Variants in ARAP2 observed in about 807,000 individuals in gnomAD.
The protein encoded by ARAP2 is ArfGAP with RhoGAP domain, ankyrin repeat and PH domain 2.
ARAP2 carries 148 observed loss-of-function variants against 194.5 expected under a neutral mutation model. That is an observed-to-expected ratio of 0.76 (90% CI 0.67 to 0.87). The LOEUF (loss-of-function observed/expected upper bound fraction) is 0.87. Ranked by LOEUF, ARAP2 falls within the 40% of genes least tolerant of loss-of-function variation. The pLI is 0.00. For synonymous variants in ARAP2, 695 were observed against 683.5 expected (o/e 1.02, Z -0.26); for missense variants, 2,128 against 1,989.7 (o/e 1.07, Z -1.32).
intron 15 of ARAP2, among the ~76,000 whole-genome samples, chr4:36,156,445 G>A (rs71624436): frequency 1.3e-3 from 15 of 11,442 alleles, no homozygotes; most frequent in African/African-American, 5.0e-3. Context: ...GAAAGAAAGA[G>A]AAAGAAAGAA....
rs369339266 is a variant in ARAP2 at position 36,147,345 on chromosome 4, C to T, written c.3214G>A (p.Val1072Ile). The change falls in exon 19 of 33, where the codon GTT becomes ATT. Residue 1072 changes from valine (V) to isoleucine (I), a missense_variant. Val to Ile is a conservative substitution (Grantham distance 29). Transcript: ENST00000303965. ...ACATCCAGTTTTTCCCCATTTTGAA[C>T]CATTGTGCTGATTGCTGAAGGGAGA... ...RLQELTISTMVQNGEKLDVLL... is the reference protein window; with the variant it reads ...RLQELTISTMIQNGEKLDVLL... 6.2e-7 allele frequency: 1 copy of T among 1,612,836 alleles called. No homozygotes were observed. The highest frequency in any genetic ancestry group is 1.3e-5 in the African/African-American group (1 of 74,836).
rs187249404 is a variant in ARAP2, at chr4:36,123,293, G to A, written c.3746+1569C>T. Among the ~76,000 whole-genome samples, 11 of 151,834 alleles carry A rather than the reference G, an allele frequency of 7.2e-5. No individual in the cohort carries two copies. The East Asian group carries it at 2.1e-3, about 30-fold the overall frequency. On this transcript the variant is annotated intron_variant, in intron 22 of 32. Transcript: ENST00000303965. The stretch of plus-strand genomic sequence containing the variant: ...CGAATGGAATTAAGAGGATATTACT[G>A]ATGGAGGAAATACTCTTTTAGCTAG...
At chr4:36,213,627 T>C (rs73128485) in intron 3 of ARAP2, among the ~76,000 whole-genome samples, 1,790 of 152,130 alleles carry the variant, frequency 0.012, 35 homozygotes, top group African/African-American at 0.041. Flanking sequence ...ATTGCCCACA[T>C]ACAAAATAAA....
chr4:36,154,886 A>AT (rs1319281173), intron 15 of ARAP2, among the ~76,000 whole-genome samples: 5 of 152,120 alleles, frequency 3.3e-5, no homozygotes, highest in South Asian at 2.1e-4. Flanking sequence ...CAAATAATTC[A>AT]TTTTTTTCCA....
At chr4:36,137,688 C>T (rs1332581736) in intron 19 of ARAP2, among the ~76,000 whole-genome samples, 5 of 151,526 alleles carry the variant, frequency 3.3e-5, no homozygotes, top group East Asian at 1.9e-4. Flanking sequence ...CCAGAAACAA[C>T]GTGTTTAAGG....
chr4:36,123,933 G>A (rs999334078), intron 22 of ARAP2, among the ~76,000 whole-genome samples: 18 of 151,684 alleles, frequency 1.2e-4, no homozygotes, highest in African/African-American at 4.1e-4. Context: ...AACACACAAT[G>A]AATCATTCAA....
intron 25 of ARAP2, among the ~76,000 whole-genome samples, chr4:36,115,955 T>C (rs1330221233): frequency 1.3e-5 from 2 of 151,984 alleles, no homozygotes; most frequent in Non-Finnish European, 2.9e-5. Context: ...AAAATTAAAA[T>C]GCGCTATTAA....
intron 27 of ARAP2, among the ~76,000 whole-genome samples, chr4:36,101,622 T>A (rs1220336794): frequency 6.6e-6 from 1 of 151,954 alleles, no homozygotes; most frequent in African/African-American, 2.4e-5. Flanking sequence ...TGTTTTCTGA[T>A]CACTGAAATC....
intron 3 of ARAP2, 137 bp downstream of exon 3, chr4:36,214,285 T>A: frequency 2.0e-6 from 1 of 509,122 alleles, no homozygotes; most frequent in East Asian, 3.5e-5. Flanking sequence ...GTGTCTGAAG[T>A]ACTATGAACA....
At chr4:36,035,135 A>C (rs1339909994) in intron 5 of ARAP2, among the ~76,000 whole-genome samples, 1 of 151,758 alleles carries the variant, frequency 6.6e-6, no homozygotes, top group African/African-American at 2.4e-5. Context: ...TTCTTTTTTT[A>C]ATAATAGTTT....
Position 36,228,744 on chromosome 4 carries a change from A to C in ARAP2, c.743T>G (p.Phe248Cys). ...GTCATTTACAATCATTTCTCCTTGAAACTTAAAGAATGGGGATGGTGGTGA... is the reference window on the plus strand; with the variant it reads ...GTCATTTACAATCATTTCTCCTTGACACTTAAAGAATGGGGATGGTGGTGA... ...EGSPPSPFFK[F>C]QGEMIVNDLY... The change falls in exon 2 of 33, where the codon TTT becomes TGT. Residue 248 changes from phenylalanine to cysteine, a missense_variant. Coordinates refer to ENST00000303965, the MANE Select transcript of ARAP2 (RefSeq NM_015230.4). The C allele has an allele frequency of 1.9e-6, 3 of 1,614,152 alleles. No homozygotes were observed. The highest frequency in any genetic ancestry group is 2.5e-6 in the Non-Finnish European group (3 of 1,180,024).
At chr4:36,009,518 G>A (rs986381777) in intron 9 of ARAP2, among the ~76,000 whole-genome samples, 17 of 151,980 alleles carry the variant, frequency 1.1e-4, no homozygotes, top group African/African-American at 3.9e-4. Context: ...AATACAAGAG[G>A]GGGGATAAAG....
intron 30 of ARAP2, among the ~76,000 whole-genome samples, 180 bp from the exon 31 acceptor site, chr4:36,080,459 T>C (rs1262214180): frequency 1.3e-5 from 2 of 152,170 alleles, no homozygotes; most frequent in African/African-American, 4.8e-5. Flanking sequence ...AAATGTACAA[T>C]ACGAAGTTAT....
intron 2 of ARAP2, among the ~76,000 whole-genome samples, chr4:36,052,429 C>T (rs908711484): frequency 6.6e-6 from 1 of 152,208 alleles, no homozygotes; most frequent in East Asian, 1.9e-4. Flanking sequence ...TGCAGGAAAC[C>T]GCTTTCAGTA....
chr4:36,132,104 G>A (rs942950341), intron 20 of ARAP2, among the ~76,000 whole-genome samples: 8 of 151,664 alleles, frequency 5.3e-5, no homozygotes, highest in African/African-American at 1.9e-4. Flanking sequence ...TTTCTGAAAA[G>A]TGTTTTCTTT....
chr4:36,211,158 C>G (rs976508944), intron 5 of ARAP2, among the ~76,000 whole-genome samples: 25 of 152,112 alleles, frequency 1.6e-4, no homozygotes, highest in Admixed American at 1.2e-3. Context: ...AATTTGCTTA[C>G]CCCTCTCTAC....
chr4:36,215,902 C>G (rs1038979635), intron 2 of ARAP2, among the ~76,000 whole-genome samples: 1 of 151,542 alleles, frequency 6.6e-6, no homozygotes, highest in Non-Finnish European at 1.5e-5. Flanking sequence ...AGAACCAGCA[C>G]GGGCAATATA....
In ARAP2 at chr4:36,023,426, G is replaced by T. The variant is rs116859000; in HGVS notation, n.608-4140C>A. ...ATTATTGCATGATCATCTTCATCTT[G>T]TTGGTATGCAACAGGGGGTTAATGC... is the stretch of plus-strand genomic sequence containing the variant. On this transcript the variant is annotated intron_variant and non_coding_transcript_variant, in intron 5 of 12. Transcript: ENST00000503225. Among the ~76,000 whole-genome samples the T allele has an allele frequency of 2.1e-4, 32 of 152,180 alleles. 1 individual carries two copies. In the East Asian group the frequency reaches 6.0e-3, roughly 28 times the overall value.
At chr4:36,140,682 A>C (rs1381892930) in intron 19 of ARAP2, among the ~76,000 whole-genome samples, 1 of 151,732 alleles carries the variant, frequency 6.6e-6, no homozygotes, top group African/African-American at 2.4e-5. Flanking sequence ...ATAAGGTGAT[A>C]GGAAATAAGG....
Sources: allele counts gnomAD v4.1 joint callset (sites outside exome capture counted in the v4.1 genomes callset), GRCh38; gene constraint gnomAD v4.1.1; transcripts MANE v1.5; gene names NCBI Gene and HGNC (gene_info 2026-07-23, HGNC 2026-07-21).